Variants in PCYOX1 observed in about 807,000 individuals in gnomAD.
PCYOX1 encodes the protein prenylcysteine lyase.
Under a neutral mutation model 46.4 loss-of-function variants are expected in PCYOX1, and 46 were observed. The observed-to-expected ratio is 0.99, with a 90% confidence interval of 0.78 to 1.27. The LOEUF (loss-of-function observed/expected upper bound fraction) is 1.27, where lower values mean the gene tolerates loss of function less well. PCYOX1 is among the 50% of genes most tolerant of loss of function. PCYOX1 has a pLI of 0.00. For synonymous variants in PCYOX1, 220 were observed against 231.8 expected (o/e 0.95, Z 0.46); for missense variants, 658 against 628.3 (o/e 1.05, Z -0.51).
chr2:70,269,347 T>C (rs1696570440), intron 3 of PCYOX1, among the ~76,000 whole-genome samples: 2 of 150,782 alleles, frequency 1.3e-5, no homozygotes, highest in Admixed American at 6.6e-5. Context: ...TTTTTTTTTT[T>C]TTTTTTGAGA....
In PCYOX1 at chr2:70,273,658, G is replaced by A. The variant is rs139476647; in HGVS notation, c.495-1301G>A. 2.6e-3 allele frequency among the ~76,000 whole-genome samples: 398 copies of A among 152,170 alleles called. 2 individuals are homozygous for A. Among genetic ancestry groups the A allele is most frequent in the African/African-American group, 8.0e-3 (333 of 41,532 alleles). On this transcript the variant is annotated intron_variant, in intron 3 of 5. Transcript: ENST00000433351. The stretch of plus-strand genomic sequence containing the variant: ...CTTAAGGGAATAAGAGATAAACCCC[G>A]TATTACTTATCCCAAACTTAAGCCT...
At chr2:70,268,826 C>G (rs981772535) in intron 3 of PCYOX1, among the ~76,000 whole-genome samples, 1 of 150,716 alleles carries the variant, frequency 6.6e-6, no homozygotes, top group Admixed American at 6.6e-5. Flanking sequence ...ACAGAAGAAA[C>G]ACACAAAGAC....
At chr2:70,275,230 A>G (rs1288277014) in intron 4 of PCYOX1, 60 bp downstream of exon 4, 10 of 1,358,066 alleles carry the variant, frequency 7.4e-6, no homozygotes, top group African/African-American at 2.9e-5. Context: ...ACCTGATGCT[A>G]TGGTGGTTCC....
At chr2:70,275,445 A>G in intron 4 of PCYOX1, 69 bp from the exon 5 acceptor site, 2 of 1,476,678 alleles carry the variant, frequency 1.4e-6, no homozygotes, top group Non-Finnish European at 1.9e-6. Context: ...TGTAATTGGG[A>G]AGGGAGAGTG....
rs74944057 is a variant in PCYOX1, at chr2:70,274,883, C to T, written c.495-76C>T. ...CTAGATGTCAGTTTGATTCTTATGACGCCACTTCCCTTCTTTATACATCCC... is the reference window on the plus strand; with the variant it reads ...CTAGATGTCAGTTTGATTCTTATGATGCCACTTCCCTTCTTTATACATCCC... On this transcript the variant is annotated intron_variant, in intron 3 of 5. Coordinates refer to ENST00000433351, the MANE Select transcript of PCYOX1 (RefSeq NM_016297.4). 1,965 of 925,496 alleles carry T rather than the reference C, an allele frequency of 2.1e-3. 24 individuals carry two copies. In the African/African-American group the frequency reaches 0.028, roughly 13 times the overall value. The allele number at this position is 925,496 out of a possible 1,614,324, so 57.3% of individuals were successfully genotyped here.
chr2:70,272,523 C>T (rs1179996415), intron 3 of PCYOX1, among the ~76,000 whole-genome samples: 1 of 152,092 alleles, frequency 6.6e-6, no homozygotes, highest in Admixed American at 6.6e-5. Flanking sequence ...TACTCTGTCA[C>T]CCAGGCTGGA....
At position 70,278,112 on chromosome 2, in the gene PCYOX1, T is replaced by G. The variant is rs1300623724; in HGVS notation, c.*720T>G. On this transcript the variant is annotated 3_prime_UTR_variant, in exon 6 of 6. Transcript: ENST00000433351. ...TGATTAGGGGTGAAATTTAGAAGTC[T>G]TAGTAATGTAACTTGAAGATGTTAA... The G allele has an allele frequency of 6.6e-6, 1 of 152,416 alleles. No homozygotes were observed. The highest frequency in any genetic ancestry group is 2.4e-5 in the African/African-American group (1 of 41,434). 9.4% of individuals were successfully genotyped at this position (152,416 alleles called of 1,614,324 possible).
intron 3 of PCYOX1, among the ~76,000 whole-genome samples, chr2:70,268,276 TCCACTAACTCAGAAA>T (rs1243199241): frequency 1.3e-5 from 2 of 152,128 alleles, no homozygotes; most frequent in Non-Finnish European, 2.9e-5. Flanking sequence ...ATCACATCAC[TCCACTAACTCAGAAA>T]CCTTCAGTGG....
Position 70,258,168 on chromosome 2 carries a change from G to T in PCYOX1, c.4G>T (p.Gly2Trp), listed in dbSNP as rs760945113. 40 of 1,594,552 alleles carry T rather than the reference G, an allele frequency of 2.5e-5. No individual in the cohort carries two copies. The South Asian group carries it at 3.8e-4, about 15-fold the overall frequency. ...AGCTGCAGAGCTTGTGGAGGCCATG[G>T]GGCGCGTCGTCGCGGAGCTCGTCTC... M[G>W]RVVAELVSSL... Residue 2 changes from glycine (G) to tryptophan (W), a missense_variant, in exon 1 of 6, where the codon GGG becomes TGG. Coordinates refer to ENST00000433351, the MANE Select transcript of PCYOX1 (RefSeq NM_016297.4).
intron 3 of PCYOX1, among the ~76,000 whole-genome samples, chr2:70,265,156 T>C (rs1162991986): frequency 6.6e-6 from 1 of 151,806 alleles, no homozygotes; most frequent in African/African-American, 2.4e-5. Flanking sequence ...CTTCTGCACA[T>C]ACATTTATGT....
chr2:70,265,832 G>GAAAGGCTTTAT (rs1339297067), intron 3 of PCYOX1, among the ~76,000 whole-genome samples: 6 of 152,134 alleles, frequency 3.9e-5, no homozygotes, highest in African/African-American at 1.4e-4. Context: ...GACTCACAGG[G>GAAAGGCTTTAT]AAAGGCTTTA....
intron 3 of PCYOX1, among the ~76,000 whole-genome samples, chr2:70,266,644 G>A (rs1696527316): frequency 6.6e-6 from 1 of 152,006 alleles, no homozygotes; most frequent in Non-Finnish European, 1.5e-5. Context: ...CTGGGTACTT[G>A]AGATTAGGGA....
Position 70,261,319 on chromosome 2 carries a change from T to G in PCYOX1, c.427T>G (p.Trp143Gly), listed in dbSNP as rs1349594568. 3 of 1,612,278 alleles carry G rather than the reference T, an allele frequency of 1.9e-6. No homozygotes were observed. The African/African-American group carries it at 4.0e-5, about 22-fold the overall frequency. ...CATAATTAACGTGATTAAATTAGTT[T>G]GGCGCTATGGATTTCAATCCCTCCG... ...WFIINVIKLV[W>G]RYGFQSLRMH... Residue 143 changes from tryptophan to glycine, a missense_variant, in exon 3 of 6, where the codon TGG becomes GGG. Coordinates refer to ENST00000433351, the MANE Select transcript of PCYOX1 (RefSeq NM_016297.4).
intron 5 of PCYOX1, among the ~76,000 whole-genome samples, chr2:70,276,456 T>G (rs1028390526): frequency 1.3e-5 from 2 of 152,156 alleles, no homozygotes; most frequent in African/African-American, 4.8e-5. Flanking sequence ...TCCACCCACC[T>G]CGGCCTCCCA....
Position 70,275,655 on chromosome 2 carries a change from C to T in PCYOX1, c.848C>T (p.Thr283Ile), listed in dbSNP as rs749051867. ...SVMYIEEKTK[T>I]KYTGNPTKMY... The stretch of plus-strand genomic sequence containing the variant: ...ATGTACATCGAGGAGAAAACAAAGA[C>T]CAAGTACACAGGTAAGCTTGAATTT... Residue 283 changes from threonine to isoleucine, a missense_variant, in exon 5 of 6, where the codon ACC becomes ATC. Coordinates refer to ENST00000433351, the MANE Select transcript of PCYOX1 (RefSeq NM_016297.4). The T allele has an allele frequency of 6.8e-6, 11 of 1,613,630 alleles. No homozygotes were observed. The highest frequency in any genetic ancestry group is 9.3e-6 in the Non-Finnish European group (11 of 1,179,856).
rs1696652464 is a variant in PCYOX1, at chr2:70,275,149, A to G, written c.685A>G (p.Thr229Ala). Reference sequence around the variant, plus strand: ...TATGAGGGTCAATTATGGCCAAAGCACGGACATCAATGCCTTTGTGGGTAA... The same window carrying G: ...TATGAGGGTCAATTATGGCCAAAGCGCGGACATCAATGCCTTTGTGGGTAA... ...PVMRVNYGQS[T>A]DINAFVGAVS... The change falls in exon 4 of 6, where the codon ACG (threonine) becomes GCG (alanine). Residue 229 changes from threonine (T) to alanine (A), a missense_variant. Transcript: ENST00000433351. The G allele has an allele frequency of 6.2e-7, 1 of 1,613,734 alleles. No homozygotes were observed. Among genetic ancestry groups the G allele is most frequent in the Admixed American group, 1.7e-5 (1 of 59,998 alleles).
chr2:70,276,098 T>TAA (rs568163191), intron 5 of PCYOX1, among the ~76,000 whole-genome samples: 20 of 105,440 alleles, frequency 1.9e-4, no homozygotes, highest in African/African-American at 4.8e-4. Flanking sequence ...AGACTCCATC[T>TAA]AAAAAAAAAA....
intron 3 of PCYOX1, among the ~76,000 whole-genome samples, chr2:70,262,077 T>C (rs925460842): frequency 1.3e-5 from 2 of 152,210 alleles, no homozygotes; most frequent in Non-Finnish European, 2.9e-5. Context: ...ACTTTGGTAA[T>C]CAGGAAGACT....
chr2:70,266,804 T>A (rs1192024796), intron 3 of PCYOX1, among the ~76,000 whole-genome samples: 1 of 152,130 alleles, frequency 6.6e-6, no homozygotes, highest in Non-Finnish European at 1.5e-5. Flanking sequence ...ATAAACAGCA[T>A]TCCAAGGCAG....
Sources: gnomAD v4.1 joint callset for allele counts (sites outside exome capture counted in the v4.1 genomes callset) on GRCh38, gnomAD v4.1.1 for gene constraint, MANE v1.5 for transcripts, NCBI Gene and HGNC (gene_info 2026-07-23, HGNC 2026-07-21) for gene names.